The following MASTL variants were observed in gnomAD, a reference collection of about 807,000 sequenced individuals.
MASTL encodes microtubule associated serine/threonine kinase like.
Under a neutral mutation model 82.5 loss-of-function variants are expected in MASTL, and 54 were observed. The observed-to-expected ratio is 0.65, with a 90% CI of 0.53 to 0.82. MASTL has a LOEUF of 0.82. Ranked by LOEUF, MASTL falls within the 40% of genes least tolerant of loss-of-function variation. The pLI, the probability that MASTL is intolerant of heterozygous loss-of-function variation, is 0.00. For missense variants in MASTL, 950 were observed against 1,047.8 expected (o/e 0.91, Z 1.29); for synonymous variants, 323 against 368.9 (o/e 0.88, Z 1.43).
chr10:27,155,345 GAGCCTCACTTT>G (rs2057316302), exon 1 of MASTL: 1 of 1,398,468 alleles, frequency 7.2e-7, no homozygotes, highest in Admixed American at 2.2e-5. Context: ...GGCGTGGGCG[GAGCCTCACTTT>G]GAACCCAGTT....
In MASTL at chr10:27,181,031, C is replaced by T. The variant is rs2058260360; in HGVS notation, c.2345C>T (p.Thr782Ile). 2 of 1,610,628 alleles carry T rather than the reference C, an allele frequency of 1.2e-6. No homozygotes were observed. The highest frequency in any genetic ancestry group is 1.7e-6 in the Non-Finnish European group (2 of 1,176,888). The change falls in exon 10 of 12, where the codon ACA (threonine) becomes ATA (isoleucine). Residue 782 changes from threonine (T) to isoleucine (I), a missense_variant. Coordinates refer to ENST00000375940, the MANE Select transcript of MASTL (RefSeq NM_001172303.3). ...LTGIPPFNDE[T>I]PQQVFQNILK... ...GGAATTCCCCCTTTCAATGATGAAA[C>T]ACCACAACAAGTATTCCAGAATATT... is the stretch of plus-strand genomic sequence containing the variant.
Position 27,162,966 on chromosome 10 carries a change from G to C in MASTL, c.553+1784G>C, listed in dbSNP as rs554435237. ...GGTTTTTGCTCTGTTGCCCAGGCTG[G>C]AGTGCAATGGCGTGATCTCGGCTCA... On this transcript the variant is annotated intron_variant, in intron 4 of 11. Coordinates refer to ENST00000375940, the MANE Select transcript of MASTL (RefSeq NM_001172303.3). Among the ~76,000 whole-genome samples the C allele has an allele frequency of 5.9e-5, 9 of 152,216 alleles. No homozygotes were observed. The South Asian group carries it at 1.7e-3, about 28-fold the overall frequency.
chr10:27,166,783 T>C (rs1273734945), intron 6 of MASTL, among the ~76,000 whole-genome samples: 1 of 152,110 alleles, frequency 6.6e-6, no homozygotes, highest in Non-Finnish European at 1.5e-5. Flanking sequence ...CAATCGACCA[T>C]TCCCTTGTTC....
intron 7 of MASTL, 91 bp downstream of exon 7, chr10:27,167,365 A>G: frequency 8.6e-7 from 1 of 1,164,038 alleles, no homozygotes; most frequent in Admixed American, 1.9e-5. Flanking sequence ...TTCCATAAAG[A>G]AATGAAATTG....
At chr10:27,160,825 AG>A (rs1224298751) in intron 3 of MASTL, among the ~76,000 whole-genome samples, 1 of 152,142 alleles carries the variant, frequency 6.6e-6, no homozygotes, top group Non-Finnish European at 1.5e-5. Context: ...TTATCTAATA[AG>A]GTTTCTTTAT....
Position 27,155,606 on chromosome 10 carries a change from A to G in MASTL, c.180A>G (p.Ala60=), listed in dbSNP as rs752748806. Residue 60 remains alanine, a synonymous_variant, in exon 1 of 12, where the codon GCA becomes GCG. Coordinates refer to ENST00000375940, the MANE Select transcript of MASTL (RefSeq NM_001172303.3). ...YLGQKGGKLY[A]VKVVKKADMI... Reference sequence around the variant, plus strand: ...GGCAGAAAGGCGGCAAATTGTATGCAGTAAAGGTAGGAAGTCAACGAGTAG... The same window carrying G: ...GGCAGAAAGGCGGCAAATTGTATGCGGTAAAGGTAGGAAGTCAACGAGTAG... The G allele has an allele frequency of 2.5e-6, 4 of 1,614,064 alleles. No homozygotes were observed. In the African/African-American group the frequency reaches 5.3e-5, roughly 22 times the overall value.
Position 27,186,706 on chromosome 10 carries a change from T to C in MASTL, c.*170T>C, listed in dbSNP as rs932508454. 4 of 649,616 alleles carry C rather than the reference T, an allele frequency of 6.2e-6. No individual in the cohort carries two copies. The highest frequency in any genetic ancestry group is 2.7e-5 in the Admixed American group (1 of 37,568). 40.2% of individuals were successfully genotyped at this position (649,616 alleles called of 1,614,324 possible). A position where few individuals can be genotyped will look rare whatever the true frequency, so the allele number is the denominator to read the frequency against. ...CAGAGTTAAAAGGCTGAAAGGAATA[T>C]AGTCAGTAATTTATCTTAACCTCAA... is the stretch of plus-strand genomic sequence containing the variant. On this transcript the variant is annotated 3_prime_UTR_variant, in exon 12 of 12. Transcript: ENST00000375940.
rs531122141 is a variant in MASTL at position 27,155,355 on chromosome 10, T to G, written c.-72T>G. On this transcript the variant is annotated 5_prime_UTR_variant, in exon 1 of 12. Coordinates refer to ENST00000375940, the MANE Select transcript of MASTL (RefSeq NM_001172303.3). ...CGCGCGGCGTGGGCGGAGCCTCACT[T>G]TGAACCCAGTTGGCGGGAGTGGCTG... is the stretch of plus-strand genomic sequence containing the variant. 1.4e-4 allele frequency: 210 copies of G among 1,468,680 alleles called. No individual in the cohort carries two copies. In the African/African-American group the frequency reaches 2.7e-3, roughly 19 times the overall value. The allele number at this position is 1,468,680 out of a possible 1,614,324, so 91.0% of individuals were successfully genotyped here.
intron 9 of MASTL, among the ~76,000 whole-genome samples, chr10:27,180,077 G>A (rs1271437105): frequency 6.6e-6 from 1 of 152,164 alleles, no homozygotes; most frequent in African/African-American, 2.4e-5. Flanking sequence ...AAACAATGTG[G>A]GTTTTTGCAC....
intron 11 of MASTL, among the ~76,000 whole-genome samples, chr10:27,184,340 T>C (rs1302493317): frequency 6.6e-6 from 1 of 152,078 alleles, no homozygotes; most frequent in Non-Finnish European, 1.5e-5. Flanking sequence ...GGAGCAGACA[T>C]TTGGAAAGTC....
intron 9 of MASTL, 52 bp from the exon 10 acceptor site, chr10:27,180,901 A>G (rs1195528856): frequency 8.5e-7 from 1 of 1,170,012 alleles, no homozygotes; most frequent in Non-Finnish European, 1.3e-6. Flanking sequence ...TCTGTTCATC[A>G]AATATTTGTA....
At position 27,170,948 on chromosome 10, in the gene MASTL, T is replaced by C. The variant is rs780869868; in HGVS notation, c.1989T>C (p.Asn663=). 2.5e-6 allele frequency: 4 copies of C among 1,614,192 alleles called. No homozygotes were observed. The highest frequency in any genetic ancestry group is 2.2e-5 in the South Asian group (2 of 91,084). Residue 663 remains asparagine (N), a synonymous_variant, in exon 8 of 12, where the codon AAT becomes AAC. Coordinates refer to ENST00000375940, the MANE Select transcript of MASTL (RefSeq NM_001172303.3). Reference sequence around the variant, plus strand: ...TTCGAAGTTTTAACAGTCATATTAATGCATCCAATAACTCAGAACCATCCA... The same window carrying C: ...TTCGAAGTTTTAACAGTCATATTAACGCATCCAATAACTCAGAACCATCCA... ...VAFRSFNSHI[N]ASNNSEPSRM...
In MASTL at chr10:27,167,137, G is replaced by T. The variant is rs766278506; in HGVS notation, c.847G>T (p.Val283Leu). 1.2e-6 allele frequency: 2 copies of T among 1,614,076 alleles called. No homozygotes were observed. The highest frequency in any genetic ancestry group is 1.7e-6 in the Non-Finnish European group (2 of 1,179,954). The change falls in exon 7 of 12, where the codon GTG becomes TTG. Residue 283 changes from valine to leucine, a missense_variant. Val to Leu is a conservative substitution (Grantham distance 32). Transcript: ENST00000375940. Reference sequence around the variant, plus strand: ...AGTTGCCTCCAACCCAGGAATGCCTGTGAAGTGTCTAACTTCTAATTTACT... The same window carrying T: ...AGTTGCCTCCAACCCAGGAATGCCTTTGAAGTGTCTAACTTCTAATTTACT... ...ETVASNPGMP[V>L]KCLTSNLLQS... is the part of the protein sequence containing the mutation.
chr10:27,170,203 C>A lies in MASTL; in HGVS notation c.1244C>A (p.Thr415Lys), dbSNP rs764656000. The A allele has an allele frequency of 2.5e-6, 4 of 1,613,952 alleles. No individual in the cohort carries two copies. The Admixed American group carries it at 6.7e-5, about 27-fold the overall frequency. ...DVNNINMDTD[T>K]SQLGFHQSNQ... ...AATAATATAAATATGGACACTGACA[C>A]AAGTCAGTTAGGTTTCCATCAGTCA... The change falls in exon 8 of 12, where the codon ACA (threonine) becomes AAA (lysine). Residue 415 changes from threonine (T) to lysine (K), a missense_variant. Transcript: ENST00000375940.
Position 27,165,449 on chromosome 10 carries a change from G to C in MASTL, c.721G>C (p.Glu241Gln). 1.2e-6 allele frequency: 2 copies of C among 1,614,124 alleles called. No homozygotes were observed. The highest frequency in any genetic ancestry group is 1.7e-6 in the Non-Finnish European group (2 of 1,180,004). The change falls in exon 6 of 12, where the codon GAA (glutamate) becomes CAA (glutamine). Residue 241 changes from glutamate to glutamine, a missense_variant. By Grantham distance (29) the Glu-to-Gln change is conservative. Transcript: ENST00000375940. Reference sequence around the variant, plus strand: ...AAACATCCTTTCAGCCTGTCTGTCTGAAACATCACAGCTTTCTCAAGGACT... The same window carrying C: ...AAACATCCTTTCAGCCTGTCTGTCTCAAACATCACAGCTTTCTCAAGGACT... ...PANILSACLS[E>Q]TSQLSQGLVC...
chr10:27,172,125 C>CA (rs1299855072), intron 8 of MASTL, among the ~76,000 whole-genome samples: 1 of 151,958 alleles, frequency 6.6e-6, no homozygotes, highest in African/African-American at 2.4e-5. Flanking sequence ...CCATGCCCAG[C>CA]GAAAAATATA....
chr10:27,171,209 G>A lies in MASTL; in HGVS notation c.2124+126G>A, dbSNP rs1164812019. The A allele has an allele frequency of 4.7e-6, 4 of 857,544 alleles. No individual in the cohort carries two copies. The East Asian group carries it at 1.0e-4, about 22-fold the overall frequency. 53.1% of individuals were successfully genotyped at this position (857,544 alleles called of 1,614,324 possible). A position where few individuals can be genotyped will look rare whatever the true frequency, so the allele number is the denominator to read the frequency against. ...TCTGTTCTTCTTGTTGAGAATCTGT[G>A]GGCTGTTGGAAGTTTTCACCCAGAA... On this transcript the variant is annotated intron_variant, in intron 8 of 11. Coordinates refer to ENST00000375940, the MANE Select transcript of MASTL (RefSeq NM_001172303.3).
intron 8 of MASTL, among the ~76,000 whole-genome samples, chr10:27,172,436 C>G (rs2057977512): frequency 6.6e-6 from 1 of 152,104 alleles, no homozygotes; most frequent in African/African-American, 2.4e-5. Context: ...GGGAGGATCA[C>G]CTGAGGTCGG....
intron 8 of MASTL, 107 bp from the exon 9 acceptor site, chr10:27,173,011 G>A (rs1564497477): frequency 7.7e-6 from 10 of 1,295,930 alleles, no homozygotes; most frequent in Middle Eastern, 1.9e-4. Context: ...CATCCTTTAC[G>A]CCTAGTAGCC....
Sources: allele counts gnomAD v4.1 joint callset (sites outside exome capture counted in the v4.1 genomes callset), GRCh38; gene constraint gnomAD v4.1.1; transcripts MANE v1.5; gene names NCBI Gene and HGNC (gene_info 2026-07-23, HGNC 2026-07-21).